GULP1: variants seen among roughly 807,000 people sequenced by gnomAD.
GULP1 encodes the protein PTB domain-containing engulfment adapter protein 1.
In GULP1, 19 loss-of-function variants were observed where a neutral mutation model predicts 40.9. The ratio of observed to expected loss-of-function variants is 0.46; its 90% confidence interval spans 0.32 to 0.68. The LOEUF (loss-of-function observed/expected upper bound fraction) is 0.68. Among genes scored for constraint, GULP1 ranks in the 30% least tolerant of loss-of-function variants. The pLI is 0.03. For missense variants in GULP1, 312 were observed against 362.2 expected (o/e 0.86, Z 1.12); for synonymous variants, 119 against 117.6 (o/e 1.01, Z -0.08).
At chr2:188,592,388 GT>G (rs1703739486) in intron 11 of GULP1, 1 of 151,778 alleles carries the variant, frequency 6.6e-6, no homozygotes, top group Non-Finnish European at 1.5e-5. Context: ...TTAAAGAAAA[GT>G]TTACTTACAG....
At chr2:188,434,530 A>AT (rs58908020) in intron 2 of GULP1, among the ~76,000 whole-genome samples, 11,853 of 144,662 alleles carry the variant, frequency 0.082, 1,343 homozygotes, top group African/African-American at 0.26. Flanking sequence ...TATATGTTGG[A>AT]TTTTTTTTTC....
Position 188,595,026 on chromosome 2 carries a change from ATTTGT to A in GULP1, c.*1022_*1026del, listed in dbSNP as rs1704233859. 1 of 145,446 alleles carries A rather than the reference ATTTGT, an allele frequency of 6.9e-6. No individual in the cohort carries two copies. Among genetic ancestry groups the A allele is most frequent in the South Asian group, 2.2e-4 (1 of 4,518 alleles). 9.0% of individuals were successfully genotyped at this position (145,446 alleles called of 1,614,324 possible). ...TCAATATTTGGTAAATTCAATCTGTATTTGTTTTGTTAAAGTCAAAAATCTCATTT... is the reference window on the plus strand; with the variant it reads ...TCAATATTTGGTAAATTCAATCTGTATTTGTTAAAGTCAAAAATCTCATTT... On this transcript the variant is annotated 3_prime_UTR_variant, in exon 12 of 12. Transcript: ENST00000409830.
chr2:188,367,079 T>C (rs1431596759), intron 1 of GULP1, among the ~76,000 whole-genome samples: 1 of 152,234 alleles, frequency 6.6e-6, no homozygotes, highest in African/African-American at 2.4e-5. Context: ...TTTTTGTTTA[T>C]ATGTGCAGAT....
intron 6 of GULP1, among the ~76,000 whole-genome samples, chr2:188,529,769 G>C (rs1687097233): frequency 6.6e-6 from 1 of 151,936 alleles, no homozygotes; most frequent in Non-Finnish European, 1.5e-5. Context: ...ACACTTGTCT[G>C]GTGTCTCTTC....
intron 4 of GULP1, among the ~76,000 whole-genome samples, chr2:188,493,435 G>T (rs747339073): frequency 7.2e-5 from 11 of 151,768 alleles, no homozygotes; most frequent in Non-Finnish European, 1.5e-5. Context: ...CTGTTCCATT[G>T]TTCCTCTGGG....
At chr2:188,330,557 G>T (rs1208788145) in intron 1 of GULP1, among the ~76,000 whole-genome samples, 2 of 152,026 alleles carry the variant, frequency 1.3e-5, no homozygotes, top group African/African-American at 2.4e-5. Flanking sequence ...TTACACTGTG[G>T]CATCTTTATA....
intron 1 of GULP1, among the ~76,000 whole-genome samples, chr2:188,346,744 G>A (rs1056524228): frequency 6.6e-6 from 1 of 151,918 alleles, no homozygotes; most frequent in East Asian, 1.9e-4. Flanking sequence ...AGGCTGAGGC[G>A]GGCGAATCAT....
intron 1 of GULP1, among the ~76,000 whole-genome samples, chr2:188,369,796 C>T (rs2047359945): frequency 6.6e-6 from 1 of 152,184 alleles, no homozygotes; most frequent in African/African-American, 2.4e-5. Context: ...TCTTCCCATC[C>T]CGCTCAGAGT....
At chr2:188,474,166 A>C (rs1387036605) in intron 2 of GULP1, among the ~76,000 whole-genome samples, 1 of 152,192 alleles carries the variant, frequency 6.6e-6, no homozygotes, top group Non-Finnish European at 1.5e-5. Flanking sequence ...TGCAAGACAG[A>C]GTCCTTTCCA....
At chr2:188,430,277 G>C (rs2056713766) in intron 2 of GULP1, among the ~76,000 whole-genome samples, 1 of 152,150 alleles carries the variant, frequency 6.6e-6, no homozygotes, top group Non-Finnish European at 1.5e-5. Context: ...TCAAAATTTA[G>C]TTTTCTTAAG....
At chr2:188,589,721 C>A in intron 11 of GULP1, 1 of 1,350,472 alleles carries the variant, frequency 7.4e-7, no homozygotes, top group Non-Finnish European at 9.9e-7. Context: ...AAATTCTTTA[C>A]TGCTTTCATG....
At chr2:188,512,933 T>C (rs192094217) in intron 4 of GULP1, among the ~76,000 whole-genome samples, 16 of 152,246 alleles carry the variant, frequency 1.1e-4, no homozygotes, top group Non-Finnish European at 2.4e-4. Flanking sequence ...TACTAGCATT[T>C]TAAGAGTCAC....
intron 7 of GULP1, chr2:188,541,528 G>T: frequency 1.6e-6 from 1 of 614,728 alleles, no homozygotes; most frequent in Non-Finnish European, 2.9e-6. Context: ...TCATGGTCAT[G>T]AGCATAAACT....
chr2:188,557,843 AC>A (rs1695189048), intron 7 of GULP1, among the ~76,000 whole-genome samples: 2 of 152,164 alleles, frequency 1.3e-5, no homozygotes, highest in Non-Finnish European at 2.9e-5. Context: ...TATGACTTGC[AC>A]CCTCTGAAGC....
At chr2:188,556,464 T>C (rs974341480) in intron 7 of GULP1, among the ~76,000 whole-genome samples, 1 of 152,136 alleles carries the variant, frequency 6.6e-6, no homozygotes. Flanking sequence ...TTCTTTTTAT[T>C]GTTTTTCAGA....
chr2:188,304,959 T>G (rs1273168631), intron 1 of GULP1, among the ~76,000 whole-genome samples: 1 of 152,118 alleles, frequency 6.6e-6, no homozygotes, highest in Non-Finnish European at 1.5e-5. Flanking sequence ...CTAATTCAAT[T>G]CTGACATTAT....
At chr2:188,540,968 A>G (rs900952162) in intron 6 of GULP1, among the ~76,000 whole-genome samples, 1 of 152,160 alleles carries the variant, frequency 6.6e-6, no homozygotes, top group African/African-American at 2.4e-5. Context: ...GCTCAGCACT[A>G]CTGAAATGCA....
intron 1 of GULP1, among the ~76,000 whole-genome samples, chr2:188,313,466 G>A (rs577113380): frequency 5.3e-5 from 8 of 152,082 alleles, no homozygotes; most frequent in Non-Finnish European, 1.0e-4. Flanking sequence ...CTGCTCCATT[G>A]GTCTATATGT....
intron 1 of GULP1, among the ~76,000 whole-genome samples, chr2:188,363,636 C>T (rs891107775): frequency 3.9e-5 from 6 of 151,980 alleles, no homozygotes; most frequent in East Asian, 1.9e-4. Context: ...GGAATGAAGA[C>T]GAAGGTATAC....
Sources: allele counts gnomAD v4.1 joint callset (sites outside exome capture counted in the v4.1 genomes callset), GRCh38; gene constraint gnomAD v4.1.1; transcripts MANE v1.5; gene names NCBI Gene and HGNC (gene_info 2026-07-23, HGNC 2026-07-21).